The following CSMD1 variants were observed in gnomAD, a reference collection of about 807,000 sequenced individuals.
CSMD1 encodes the protein CUB and Sushi multiple domains 1, also known as CUB and sushi domain-containing protein 1.
CSMD1 carries 213 observed loss-of-function variants against 417.5 expected under a neutral mutation model. The observed-to-expected ratio is 0.51, with a 90% CI of 0.46 to 0.57. The LOEUF (loss-of-function observed/expected upper bound fraction) is 0.57. Ranked by LOEUF, CSMD1 falls within the 20% of genes least tolerant of loss-of-function variation. The pLI, the probability that CSMD1 is intolerant of heterozygous loss-of-function variation, is 0.00. For synonymous variants in CSMD1, 2,862 were observed against 1,736.8 expected (o/e 1.65, Z -16.11); for missense variants, 6,923 against 4,529.7 (o/e 1.53, Z -15.17).
intron 10 of CSMD1, among the ~76,000 whole-genome samples, chr8:3,533,215 A>G (rs1798052955): frequency 1.3e-5 from 2 of 152,142 alleles, no homozygotes; most frequent in South Asian, 4.1e-4. Context: ...CCAGATGCCT[A>G]TTTTCTGTAT....
chr8:3,152,532 A>G (rs1185651809), intron 39 of CSMD1, among the ~76,000 whole-genome samples: 14 of 152,138 alleles, frequency 9.2e-5, no homozygotes, highest in Admixed American at 9.2e-4. Context: ...AATCATCATC[A>G]AGACTGAAAC....
At chr8:3,446,240 G>A in intron 12 of CSMD1, among the ~76,000 whole-genome samples, 1 of 152,310 alleles carries the variant, frequency 6.6e-6, no homozygotes, top group Middle Eastern at 3.4e-3. Flanking sequence ...CCTTGGAAGA[G>A]GGACAGACTC....
chr8:4,085,934 G>T (rs1018080076), intron 3 of CSMD1, among the ~76,000 whole-genome samples: 1 of 152,062 alleles, frequency 6.6e-6, no homozygotes, highest in African/African-American at 2.4e-5. Context: ...AGGGGGCTCT[G>T]TATTATTTCT....
At chr8:4,087,400 G>C (rs921275303) in intron 3 of CSMD1, among the ~76,000 whole-genome samples, 1 of 152,190 alleles carries the variant, frequency 6.6e-6, no homozygotes, top group Non-Finnish European at 1.5e-5. Context: ...AGCTGTTCTT[G>C]CATTTTGAGC....
intron 1 of CSMD1, among the ~76,000 whole-genome samples, chr8:4,730,629 T>C (rs769745693): frequency 2.0e-4 from 31 of 151,844 alleles, no homozygotes; most frequent in Non-Finnish European, 3.4e-4. Context: ...TAGTCCCAGC[T>C]ACTCGGGAGG....
chr8:4,457,102 A>G (rs563095209), intron 2 of CSMD1, among the ~76,000 whole-genome samples: 2 of 152,066 alleles, frequency 1.3e-5, no homozygotes, highest in East Asian at 1.9e-4. Context: ...TAATATGACT[A>G]TCGATGTGTT....
In CSMD1 at chr8:4,297,654, T is replaced by G. The variant is rs79149691; in HGVS notation, c.415+122299A>C. Among the ~76,000 whole-genome samples, 1,393 of 152,274 alleles carry G rather than the reference T, an allele frequency of 9.1e-3. 24 individuals carry two copies. Among genetic ancestry groups the G allele is most frequent in the African/African-American group, 0.032 (1,349 of 41,556 alleles). The stretch of plus-strand genomic sequence containing the variant: ...CCTTTCAAAAGTTCACACTAGGGTT[T>G]GGATTTTGACTACTTTCTGCTACTG... On this transcript the variant is annotated intron_variant, in intron 3 of 69. Coordinates refer to ENST00000635120, the MANE Select transcript of CSMD1 (RefSeq NM_033225.6).
intron 26 of CSMD1, among the ~76,000 whole-genome samples, chr8:3,261,450 A>G (rs796481300): frequency 6.6e-6 from 1 of 152,312 alleles, no homozygotes; most frequent in African/African-American, 2.4e-5. Context: ...AAATCCTACA[A>G]ATCACCACTG....
intron 2 of CSMD1, among the ~76,000 whole-genome samples, chr8:4,441,420 T>A (rs1393722465): frequency 3.3e-5 from 5 of 151,810 alleles, no homozygotes; most frequent in Non-Finnish European, 7.4e-5. Context: ...GCCCCAGAAG[T>A]CATCTTTAAG....
intron 53 of CSMD1, among the ~76,000 whole-genome samples, chr8:2,999,229 A>G (rs1807181052): frequency 7.2e-6 from 1 of 138,568 alleles, no homozygotes; most frequent in African/African-American, 2.7e-5. Context: ...ATCTCTGCTC[A>G]CTGCAACCTC....
At chr8:3,270,921 TTA>T (rs1585872874) in intron 26 of CSMD1, among the ~76,000 whole-genome samples, 1 of 138,668 alleles carries the variant, frequency 7.2e-6, no homozygotes. Flanking sequence ...CTTTTTTTTT[TTA>T]ATTTTTTATT....
chr8:4,479,343 TGCA>T, intron 2 of CSMD1, among the ~76,000 whole-genome samples: 1 of 152,198 alleles, frequency 6.6e-6, no homozygotes, highest in African/African-American at 2.4e-5. Context: ...GTTGAACAGC[TGCA>T]CTTTACCACA....
At chr8:4,631,902 G>A (rs867345580) in intron 2 of CSMD1, among the ~76,000 whole-genome samples, 4 of 152,198 alleles carry the variant, frequency 2.6e-5, no homozygotes, top group Middle Eastern at 3.4e-3. Context: ...AATATATCCT[G>A]ATTTTCTATA....
chr8:3,641,024 C>CTTT (rs34851559), intron 7 of CSMD1, among the ~76,000 whole-genome samples: 650 of 102,680 alleles, frequency 6.3e-3, no homozygotes, highest in Non-Finnish European at 8.6e-3. Flanking sequence ...TCCTTTTTTC[C>CTTT]TTTTTTTTTT....
At chr8:4,906,881 C>G (rs12675401) in intron 1 of CSMD1, among the ~76,000 whole-genome samples, 39,867 of 152,056 alleles carry the variant, frequency 0.26, 5,910 homozygotes, top group East Asian at 0.52. Context: ...TTCAAAGTAC[C>G]TTTAGTTTCA....
intron 23 of CSMD1, 53 bp downstream of exon 23, chr8:3,343,241 G>A (rs999970335): frequency 2.7e-6 from 4 of 1,484,234 alleles, no homozygotes; most frequent in Non-Finnish European, 3.7e-6. Context: ...CCAAGTATCA[G>A]ATATGTCCTG....
chr8:3,500,893 G>T (rs985907485), intron 10 of CSMD1, among the ~76,000 whole-genome samples: 2 of 151,974 alleles, frequency 1.3e-5, no homozygotes, highest in African/African-American at 2.4e-5. Context: ...ATGAAGAGAA[G>T]TAAGAATGTG....
At chr8:4,817,377 T>C (rs1037607354) in intron 1 of CSMD1, among the ~76,000 whole-genome samples, 1 of 152,198 alleles carries the variant, frequency 6.6e-6, no homozygotes, top group South Asian at 2.1e-4. Flanking sequence ...ATTAAAAAAA[T>C]GAGGCCTGCT....
At chr8:4,063,192 T>A (rs1438722129) in intron 3 of CSMD1, among the ~76,000 whole-genome samples, 2 of 152,158 alleles carry the variant, frequency 1.3e-5, no homozygotes, top group Non-Finnish European at 2.9e-5. Context: ...ATATCATAAT[T>A]ATCCTGATTT....
Sources: allele counts gnomAD v4.1 joint callset (sites outside exome capture counted in the v4.1 genomes callset), GRCh38; gene constraint gnomAD v4.1.1; transcripts MANE v1.5; gene names NCBI Gene and HGNC (gene_info 2026-07-23, HGNC 2026-07-21).